IDH2: variants seen among roughly 807,000 people sequenced by gnomAD.
The protein encoded by IDH2 is isocitrate dehydrogenase (NADP(+)) 2.
IDH2 carries 18 observed loss-of-function variants against 50.5 expected under a neutral mutation model. The ratio of observed to expected loss-of-function variants is 0.36; its 90% CI spans 0.25 to 0.53. The LOEUF is 0.53. Among genes scored for constraint, IDH2 ranks in the 20% least tolerant of loss-of-function variants. The pLI is 0.92. For missense variants in IDH2, 518 were observed against 610.7 expected (o/e 0.85, Z 1.60); for synonymous variants, 280 against 239.8 (o/e 1.17, Z -1.55).
intron 1 of IDH2, 71 bp from the exon 2 acceptor site, chr15:90,091,715 G>A (rs1901043660): frequency 1.6e-6 from 2 of 1,232,918 alleles, no homozygotes; most frequent in Non-Finnish European, 2.4e-6. Context: ...TCCCAGCCAG[G>A]CCCGCCCTTC....
At chr15:90,091,405 G>A (rs750282374) in intron 2 of IDH2, 148 bp downstream of exon 2, 1 of 716,274 alleles carries the variant, frequency 1.4e-6, no homozygotes. Context: ...GTGAAAGAAG[G>A]GTAGACAGAG....
chr15:90,092,413 C>CTG, intron 1 of IDH2, among the ~76,000 whole-genome samples: 1 of 74,916 alleles, frequency 1.3e-5, no homozygotes, highest in African/African-American at 6.1e-5. Flanking sequence ...CTCCCTTTCT[C>CTG]TCTCTCTTTC....
Position 90,088,754 on chromosome 15 carries a change from G to A in IDH2, c.374-7C>T, listed in dbSNP as rs1211265170. ...ATCTTCTTCAGCTTGAACTCTGTGA[G>A]GACAGAGATAATAGTGGTCCCACTG... On this transcript the variant is annotated splice_region_variant and splice_polypyrimidine_tract_variant and intron_variant, in intron 3 of 10. Transcript: ENST00000330062. 1 of 1,613,858 alleles carries A rather than the reference G, an allele frequency of 6.2e-7. No homozygotes were observed. The highest frequency in any genetic ancestry group is 1.1e-5 in the South Asian group (1 of 91,072).
At chr15:90,091,461 C>A in intron 2 of IDH2, 92 bp downstream of exon 2, 1 of 950,402 alleles carries the variant, frequency 1.1e-6, no homozygotes, top group Non-Finnish European at 1.7e-6. Context: ...ACGGGGGGGT[C>A]CTAGGGACCT....
chr15:90,096,035 G>A (rs1901172442), intron 1 of IDH2, among the ~76,000 whole-genome samples: 1 of 152,210 alleles, frequency 6.6e-6, no homozygotes, highest in African/African-American at 2.4e-5. Flanking sequence ...CGTGGCTCAT[G>A]CCTGTAATCC....
intron 3 of IDH2, among the ~76,000 whole-genome samples, 159 bp from the exon 4 acceptor site, chr15:90,088,906 ATTTTTTTTTTTTT>A (rs57901991): frequency 2.1e-5 from 2 of 96,488 alleles, no homozygotes; most frequent in African/African-American, 7.5e-5. Flanking sequence ...GAGTCTGCCA[ATTTTTTTTTTTTT>A]TTTTTTTTTT....
In IDH2 at chr15:90,084,967, C is replaced by G; in HGVS notation, c.1178+34G>C. 6.2e-7 allele frequency: 1 copy of G among 1,612,106 alleles called. No individual in the cohort carries two copies. ...TGCAAGGGCAGGACCCAGAGCCTGT[C>G]CTGGGCAGCTCCGGCCTCTCCCTCC... On this transcript the variant is annotated intron_variant, in intron 9 of 10. Transcript: ENST00000330062. This position sits in a 1 kb window ranked among gnomAD's most constrained non-coding sequence, Gnocchi z 5.0.
chr15:90,093,206 A>G (rs1901089585), intron 1 of IDH2, among the ~76,000 whole-genome samples: 1 of 138,200 alleles, frequency 7.2e-6, no homozygotes, highest in Non-Finnish European at 1.6e-5. Context: ...TATTGTTTAG[A>G]GTCAGGGTCT....
intron 1 of IDH2, among the ~76,000 whole-genome samples, chr15:90,095,307 G>A (rs1238430141): frequency 1.3e-5 from 2 of 152,040 alleles, no homozygotes; most frequent in Admixed American, 6.6e-5. Flanking sequence ...CCCAAGACGC[G>A]ATGGGGATTT....
Position 90,087,208 on chromosome 15 carries a change from C to T in IDH2, c.871G>A (p.Asp291Asn). Residue 291 changes from aspartate to asparagine, a missense_variant, in exon 7 of 11, where the codon GAT becomes AAT. By Grantham distance (23) the Asp-to-Asn change is conservative. This residue lies in a region of IDH2 where 23 missense variants were observed against 57.9 expected (regional missense o/e 0.40). Coordinates refer to ENST00000330062, the MANE Select transcript of IDH2 (RefSeq NM_002168.4). ...TTGAGGACCTGAGCCACCATGTCAT[C>T]AATGAGCCGGTGCTCATACCAGATC... ...NKIWYEHRLIDDMVAQVLKSS... is the reference protein window; with the variant it reads ...NKIWYEHRLINDMVAQVLKSS... The T allele has an allele frequency of 1.2e-6, 2 of 1,614,140 alleles. No individual in the cohort carries two copies.
At chr15:90,093,319 A>G (rs908000091) in intron 1 of IDH2, among the ~76,000 whole-genome samples, 9 of 152,228 alleles carry the variant, frequency 5.9e-5, no homozygotes, top group Non-Finnish European at 1.2e-4. Context: ...CCATGCCAAG[A>G]TATTACTTTT....
At chr15:90,094,713 C>A (rs970131252) in intron 1 of IDH2, among the ~76,000 whole-genome samples, 2 of 152,158 alleles carry the variant, frequency 1.3e-5, no homozygotes, top group African/African-American at 4.8e-5. Flanking sequence ...CAAGACCAGC[C>A]TGGCCAACAT....
chr15:90,085,338 C>A lies in IDH2; in HGVS notation c.1017G>T (p.Gly339=), dbSNP rs1227526639. 7.1e-6 allele frequency: 11 copies of A among 1,554,996 alleles called. No individual in the cohort carries two copies. The East Asian group carries it at 2.6e-4, about 37-fold the overall frequency. Residue 339 remains glycine (G), a synonymous_variant, in exon 8 of 11, where the codon GGG becomes GGT. Coordinates refer to ENST00000330062, the MANE Select transcript of IDH2 (RefSeq NM_002168.4). The surrounding 1 kb of genome is among the most constrained non-coding windows in gnomAD (Gnocchi z 5.5). ...GAGCGGCCTCAGCCTCAATCGTCTT[C>A]CCATCAGGGCAGACCAGGACGGACG... ...LMTSVLVCPD[G]KTIEAEAAHG...
rs34365380 is a variant in IDH2 at position 90,098,563 on chromosome 15, G to GTATGTATGTATGT, written c.115+3712_115+3713insACATACATACATA. On this transcript the variant is annotated intron_variant, in intron 1 of 10. Transcript: ENST00000330062. This position sits in a 1 kb window ranked among gnomAD's most constrained non-coding sequence, Gnocchi z 5.1. ...GTATGTATGTATGTATGTATGTATT[G>GTATGTATGTATGT]AGACAGAGTCTCACTCTGTCGCCTA... is the stretch of plus-strand genomic sequence containing the variant. 0.14 allele frequency among the ~76,000 whole-genome samples: 7,858 copies of GTATGTATGTATGT among 55,946 alleles called. 282 individuals are homozygous for GTATGTATGTATGT. The highest frequency in any genetic ancestry group is 0.22 in the Non-Finnish European group (4,849 of 22,418). 36.7% of individuals were successfully genotyped at this position (55,946 alleles called of 152,430 possible).
intron 1 of IDH2, among the ~76,000 whole-genome samples, chr15:90,092,597 C>G (rs149597921): frequency 6.7e-6 from 1 of 150,098 alleles, no homozygotes; most frequent in South Asian, 2.1e-4. Context: ...TTTTCTGAGA[C>G]GAAGTTTCGC....
At chr15:90,091,925 A>G (rs979692609) in intron 1 of IDH2, among the ~76,000 whole-genome samples, 1 of 152,206 alleles carries the variant, frequency 6.6e-6, no homozygotes, top group East Asian at 1.9e-4. Context: ...ACTGGGCCAC[A>G]CAGCAGGAGG....
rs986717401 is a variant in IDH2, at chr15:90,083,511, G to A, written c.*755C>T. ...GTGAACCCAAGCCTGGGAACTGCAGGCCTAGACAATGCAGGGCCCTTGTTC... is the reference window on the plus strand; with the variant it reads ...GTGAACCCAAGCCTGGGAACTGCAGACCTAGACAATGCAGGGCCCTTGTTC... On this transcript the variant is annotated 3_prime_UTR_variant, in exon 11 of 11. Transcript: ENST00000330062. 1 of 152,474 alleles carries A rather than the reference G, an allele frequency of 6.6e-6. No homozygotes were observed. Among genetic ancestry groups the A allele is most frequent in the African/African-American group, 2.4e-5 (1 of 41,434 alleles). The allele number at this position is 152,474 out of a possible 1,614,324, so 9.4% of individuals were successfully genotyped here.
chr15:90,087,668 G>C lies in IDH2; in HGVS notation c.679-93C>G, dbSNP rs992306773. ...CCCAGGGCAAGGCCCAGCTCTCCAG[G>C]AACGGTACCCCGCCGCCCACGCGAC... On this transcript the variant is annotated intron_variant, in intron 5 of 10. Transcript: ENST00000330062. The C allele has an allele frequency of 6.1e-6, 9 of 1,464,466 alleles. No homozygotes were observed. In the African/African-American group the frequency reaches 1.1e-4, roughly 18 times the overall value. The allele number at this position is 1,464,466 out of a possible 1,614,324, so 90.7% of individuals were successfully genotyped here. A position where few individuals can be genotyped will look rare whatever the true frequency, so the allele number is the denominator to read the frequency against.
chr15:90,093,871 T>A (rs1421117398), intron 1 of IDH2, among the ~76,000 whole-genome samples: 2 of 151,532 alleles, frequency 1.3e-5, no homozygotes, highest in Non-Finnish European at 2.9e-5. Context: ...CCACCCACTT[T>A]GGCCTCCCAA....
Sources: allele counts gnomAD v4.1 joint callset (sites outside exome capture counted in the v4.1 genomes callset), GRCh38; gene constraint gnomAD v4.1.1; regional missense constraint gnomAD v4.1.1; non-coding constraint Gnocchi (gnomAD v3.1); transcripts MANE v1.5; gene names NCBI Gene and HGNC (gene_info 2026-07-23, HGNC 2026-07-21).